Variants in ADAMTS19 observed in about 807,000 individuals in gnomAD.
ADAMTS19 encodes A disintegrin and metalloproteinase with thrombospondin motifs 19.
In ADAMTS19, 93 loss-of-function variants were observed where a neutral mutation model predicts 153.3. The observed-to-expected ratio is 0.61, with a 90% CI of 0.51 to 0.72. The LOEUF (loss-of-function observed/expected upper bound fraction) is 0.72, where lower values mean the gene tolerates loss of function less well. Among genes scored for constraint, ADAMTS19 ranks in the 30% least tolerant of loss-of-function variants. The pLI, the probability that ADAMTS19 is intolerant of heterozygous loss-of-function variation, is 0.00. For synonymous variants in ADAMTS19, 600 were observed against 556.6 expected (o/e 1.08, Z -1.10); for missense variants, 1,482 against 1,552.1 (o/e 0.95, Z 0.76).
chr5:129,586,251 G>A (rs1749792990), intron 7 of ADAMTS19, among the ~76,000 whole-genome samples: 2 of 152,170 alleles, frequency 1.3e-5, no homozygotes, highest in South Asian at 4.1e-4. Context: ...TTAGACAAAT[G>A]CATAATAGTA....
At chr5:129,530,856 A>C (rs111524596) in intron 6 of ADAMTS19, among the ~76,000 whole-genome samples, 3,449 of 152,186 alleles carry the variant, frequency 0.023, 142 homozygotes, top group African/African-American at 0.078. Context: ...TTGGAATAAA[A>C]AGAAAAAATG....
intron 21 of ADAMTS19, among the ~76,000 whole-genome samples, chr5:129,710,812 G>A (rs1164992103): frequency 6.6e-6 from 1 of 152,140 alleles, no homozygotes; most frequent in African/African-American, 2.4e-5. Context: ...ATACAATCAA[G>A]AATATACTGA....
chr5:129,723,371 G>A (rs55692709), intron 21 of ADAMTS19, among the ~76,000 whole-genome samples: 24,830 of 152,050 alleles, frequency 0.16, 2,258 homozygotes, highest in East Asian at 0.31. Flanking sequence ...GTAGGAAATG[G>A]CAGGAAATTA....
intron 21 of ADAMTS19, among the ~76,000 whole-genome samples, chr5:129,721,890 A>G (rs548071147): frequency 5.3e-5 from 8 of 152,224 alleles, no homozygotes; most frequent in African/African-American, 1.9e-4. Context: ...GCTGAGGATG[A>G]TGTCTTCCAG....
chr5:129,460,819 TG>T, intron 1 of ADAMTS19: 1 of 473,662 alleles, frequency 2.1e-6, no homozygotes, highest in Non-Finnish European at 3.6e-6. Context: ...TTACTCGTGC[TG>T]GAGTCTTTGC....
At chr5:129,514,400 C>T (rs1409971869) in intron 3 of ADAMTS19, among the ~76,000 whole-genome samples, 1 of 152,070 alleles carries the variant, frequency 6.6e-6, no homozygotes, top group Non-Finnish European at 1.5e-5. Context: ...TTTACATTCC[C>T]ACTAACAGTG....
chr5:129,533,971 T>A (rs989524949), intron 6 of ADAMTS19, among the ~76,000 whole-genome samples: 25 of 152,192 alleles, frequency 1.6e-4, no homozygotes, highest in African/African-American at 5.8e-4. Flanking sequence ...CAGTTTGTTA[T>A]AATTTCTGTT....
intron 7 of ADAMTS19, among the ~76,000 whole-genome samples, chr5:129,583,873 AGAAGTTTGTTATTACCCACCTTCT>A (rs1457315011): frequency 3.9e-5 from 6 of 151,950 alleles, no homozygotes; most frequent in Non-Finnish European, 5.9e-5. Flanking sequence ...TTTAACTTGG[AGAAGTTTGTTATTACCCACCTTCT>A]GAAGCCTACT....
At chr5:129,583,993 T>C (rs762852028) in intron 7 of ADAMTS19, among the ~76,000 whole-genome samples, 17 of 152,038 alleles carry the variant, frequency 1.1e-4, no homozygotes, top group Non-Finnish European at 2.4e-4. Context: ...GAAGAGGCAT[T>C]CTGGTTTTTG....
intron 7 of ADAMTS19, among the ~76,000 whole-genome samples, chr5:129,574,054 GGTT>G (rs1754009447): frequency 1.3e-5 from 2 of 151,976 alleles, no homozygotes; most frequent in South Asian, 4.1e-4. Context: ...AAGTACCACG[GGTT>G]TTAAAATGTC....
intron 15 of ADAMTS19, among the ~76,000 whole-genome samples, chr5:129,662,593 A>C (rs1345073962): frequency 6.6e-6 from 1 of 152,206 alleles, no homozygotes; most frequent in Non-Finnish European, 1.5e-5. Flanking sequence ...ATTAAACTCA[A>C]ACAAGAATTT....
chr5:129,597,002 C>T (rs1750411350), intron 8 of ADAMTS19, among the ~76,000 whole-genome samples: 1 of 152,078 alleles, frequency 6.6e-6, no homozygotes, highest in Non-Finnish European at 1.5e-5. Context: ...ACGCTTAGTA[C>T]AAATGAAAGT....
At chr5:129,689,591 AT>A (rs1225159192) in intron 18 of ADAMTS19, among the ~76,000 whole-genome samples, 1 of 151,460 alleles carries the variant, frequency 6.6e-6, no homozygotes, top group Non-Finnish European at 1.5e-5. Flanking sequence ...CACCCAGCTA[AT>A]TTTTTTGTAT....
At chr5:129,713,612 T>C (rs952910276) in intron 21 of ADAMTS19, among the ~76,000 whole-genome samples, 1 of 152,032 alleles carries the variant, frequency 6.6e-6, no homozygotes, top group African/African-American at 2.4e-5. Context: ...AATACAAAAA[T>C]TAGCCAGTGA....
chr5:129,500,871 A>G (rs983969886), intron 2 of ADAMTS19, among the ~76,000 whole-genome samples: 2 of 152,112 alleles, frequency 1.3e-5, no homozygotes, highest in Non-Finnish European at 2.9e-5. Flanking sequence ...TTTAGAGGAT[A>G]AACTATTATT....
chr5:129,616,615 A>G (rs1751542486), intron 8 of ADAMTS19, among the ~76,000 whole-genome samples: 1 of 152,082 alleles, frequency 6.6e-6, no homozygotes, highest in Non-Finnish European at 1.5e-5. Flanking sequence ...GTTTTATAAG[A>G]TAAAAATATT....
intron 10 of ADAMTS19, among the ~76,000 whole-genome samples, chr5:129,629,743 C>T (rs1752206643): frequency 6.6e-6 from 1 of 152,026 alleles, no homozygotes; most frequent in South Asian, 2.1e-4. Flanking sequence ...GGCTTTGTTC[C>T]TGAGTCCTAA....
chr5:129,622,598 AG>A (rs1275245531), intron 10 of ADAMTS19, among the ~76,000 whole-genome samples: 3 of 152,326 alleles, frequency 2.0e-5, no homozygotes, highest in Admixed American at 2.0e-4. Flanking sequence ...CATTGATATC[AG>A]GGAAGTATTT....
intron 10 of ADAMTS19, among the ~76,000 whole-genome samples, chr5:129,629,195 T>A (rs1260051303): frequency 6.6e-6 from 1 of 152,128 alleles, no homozygotes; most frequent in Non-Finnish European, 1.5e-5. Context: ...ATCGATTGAA[T>A]AATGGAGTAC....
Sources: gnomAD v4.1 joint callset for allele counts (sites outside exome capture counted in the v4.1 genomes callset) on GRCh38, gnomAD v4.1.1 for gene constraint, MANE v1.5 for transcripts, NCBI Gene and HGNC (gene_info 2026-07-23, HGNC 2026-07-21) for gene names.